FGFBP1: variants seen among roughly 807,000 people sequenced by gnomAD.
FGFBP1 encodes the protein fibroblast growth factor-binding protein 1.
In FGFBP1, 12 loss-of-function variants were observed where a neutral mutation model predicts 14.6. That is an observed-to-expected ratio of 0.82 (90% CI 0.53 to 1.33). The LOEUF (loss-of-function observed/expected upper bound fraction) is 1.33, where lower values mean the gene tolerates loss of function less well. Ranked by LOEUF, FGFBP1 falls within the 40% of genes most tolerant of loss-of-function variation. The pLI, the probability that FGFBP1 is intolerant of heterozygous loss-of-function variation, is 0.00. For synonymous variants in FGFBP1, 117 were observed against 105.0 expected, an observed-to-expected ratio of 1.11 and a Z score of -0.70; for missense variants, 317 against 271.8, an observed-to-expected ratio of 1.17 and a Z score of -1.17.
Position 15,935,849 on chromosome 4 carries a change from G to T in FGFBP1, c.*79C>A. 3 of 807,742 alleles carry T rather than the reference G, an allele frequency of 3.7e-6. No homozygotes were observed. The highest frequency in any genetic ancestry group is 5.7e-6 in the Non-Finnish European group (3 of 522,986). The allele number at this position is 807,742 out of a possible 1,614,324, so 50.0% of individuals were successfully genotyped here. A position where few individuals can be genotyped will look rare whatever the true frequency, so the allele number is the denominator to read the frequency against. ...AGCACAAAAGTTCATATTTTGGGGGGACTGTAGAGAGCTTTAAAGTATACA... is the reference window on the plus strand; with the variant it reads ...AGCACAAAAGTTCATATTTTGGGGGTACTGTAGAGAGCTTTAAAGTATACA... On this transcript the variant is annotated 3_prime_UTR_variant, in exon 3 of 3. Coordinates refer to ENST00000382333, the MANE Select transcript of FGFBP1 (RefSeq NM_005130.5).
Position 15,935,922 on chromosome 4 carries a change from A to G in FGFBP1, c.*6T>C. 6.4e-7 allele frequency: 1 copy of G among 1,566,650 alleles called. No homozygotes were observed. Among genetic ancestry groups the G allele is most frequent in the Non-Finnish European group, 8.7e-7 (1 of 1,152,632 alleles). ...TCTTAAGGGAACCCGTTCTCTTTTG[A>G]CCTCATTAGCATGACGTGTCCTGCA... On this transcript the variant is annotated 3_prime_UTR_variant, in exon 3 of 3. Transcript: ENST00000382333.
chr4:15,935,897 T>G lies in FGFBP1; in HGVS notation c.*31A>C, dbSNP rs1712463027. On this transcript the variant is annotated 3_prime_UTR_variant, in exon 3 of 3. Transcript: ENST00000382333. ...ACAGAGGGACTTACGACATGACATC[T>G]CTTAAGGGAACCCGTTCTCTTTTGA... The G allele has an allele frequency of 2.8e-6, 4 of 1,434,678 alleles. No individual in the cohort carries two copies. The highest frequency in any genetic ancestry group is 9.5e-7 in the Non-Finnish European group (1 of 1,048,108). 88.9% of individuals were successfully genotyped at this position (1,434,678 alleles called of 1,614,324 possible). A position where few individuals can be genotyped will look rare whatever the true frequency, so the allele number is the denominator to read the frequency against.
rs1322865830 is a variant in FGFBP1 at position 15,936,323 on chromosome 4, G to A, written c.310C>T (p.Leu104=). 1 of 1,614,234 alleles carries A rather than the reference G, an allele frequency of 6.2e-7. No homozygotes were observed. Among genetic ancestry groups the A allele is most frequent in the Non-Finnish European group, 8.5e-7 (1 of 1,180,042 alleles). The change falls in exon 3 of 3, where the codon CTA becomes TTA. Residue 104 remains leucine (L), a synonymous_variant. Coordinates refer to ENST00000382333, the MANE Select transcript of FGFBP1 (RefSeq NM_005130.5). The part of the protein sequence containing the change: ...CVFAGNPTSC[L]KLKDERVYWK... The stretch of plus-strand genomic sequence containing the variant: ...TAGACTCTCTCATCCTTGAGCTTTA[G>A]GCATGAGGTTGGATTGCCAGCAAAG...
In FGFBP1 at chr4:15,938,466, A is replaced by C. The variant is rs1365760001; in HGVS notation, c.-236T>G. 6.6e-6 allele frequency: 1 copy of C among 152,354 alleles called. No individual in the cohort carries two copies. The highest frequency in any genetic ancestry group is 1.9e-4 in the East Asian group (1 of 5,192). 9.4% of individuals were successfully genotyped at this position (152,354 alleles called of 1,614,324 possible). Reference sequence around the variant, plus strand: ...TCCGAGGGAGCCGGTTCCTGCAGGGAAAGTGCTGGATGTAATCCAGTGAAA... The same window carrying C: ...TCCGAGGGAGCCGGTTCCTGCAGGGCAAGTGCTGGATGTAATCCAGTGAAA... On this transcript the variant is annotated 5_prime_UTR_variant, in exon 2 of 3. Transcript: ENST00000382333.
intron 2 of FGFBP1, 145 bp downstream of exon 2, chr4:15,938,106 A>G (rs1244473124): frequency 1.3e-5 from 2 of 152,368 alleles, no homozygotes; most frequent in East Asian, 3.9e-4. Flanking sequence ...TGGATATGCC[A>G]GAAAAACACC....
Position 15,936,640 on chromosome 4 carries a change from G to C in FGFBP1, c.-8C>G. 1 of 1,592,782 alleles carries C rather than the reference G, an allele frequency of 6.3e-7. No homozygotes were observed. Among genetic ancestry groups the C allele is most frequent in the Non-Finnish European group, 8.5e-7 (1 of 1,170,836 alleles). Reference sequence around the variant, plus strand: ...GAGGCTACAGATCTTCATGGCTGCAGCTGGGCGTTCACCTGTTTGACAAAA... The same window carrying C: ...GAGGCTACAGATCTTCATGGCTGCACCTGGGCGTTCACCTGTTTGACAAAA... On this transcript the variant is annotated 5_prime_UTR_variant, in exon 3 of 3. Transcript: ENST00000382333.
At position 15,937,866 on chromosome 4, in the gene FGFBP1, A is replaced by G. The variant is rs767570556; in HGVS notation, c.-21+385T>C. Among the ~76,000 whole-genome samples, 64 of 152,342 alleles carry G rather than the reference A, an allele frequency of 4.2e-4. 1 individual carries two copies. Among genetic ancestry groups the G allele is most frequent in the Admixed American group, 3.3e-3 (51 of 15,310 alleles). ...AAAACATTGCCAAAGAATAAGAAAA[A>G]CAACTATGAACAATGACAATTTAGT... On this transcript the variant is annotated intron_variant, in intron 2 of 2. Coordinates refer to ENST00000382333, the MANE Select transcript of FGFBP1 (RefSeq NM_005130.5).
Position 15,936,360 on chromosome 4 carries a change from T to A in FGFBP1, c.273A>T (p.Glu91Asp). 1 of 1,614,126 alleles carries A rather than the reference T, an allele frequency of 6.2e-7. No homozygotes were observed. The highest frequency in any genetic ancestry group is 8.5e-7 in the Non-Finnish European group (1 of 1,180,000). The change falls in exon 3 of 3, where the codon GAA (glutamate) becomes GAT (aspartate). Residue 91 changes from glutamate to aspartate, a missense_variant. Coordinates refer to ENST00000382333, the MANE Select transcript of FGFBP1 (RefSeq NM_005130.5). The part of the protein sequence containing the change: ...LKVECTQLDH[E>D]FSCVFAGNPT... The stretch of plus-strand genomic sequence containing the variant: ...GATTGCCAGCAAAGACACAGGAAAA[T>A]TCATGGTCCAATTGAGTGCACTCAA...
At position 15,936,652 on chromosome 4, in the gene FGFBP1, C is replaced by A. The variant is rs1293535166; in HGVS notation, c.-20G>T. 5 of 1,573,042 alleles carry A rather than the reference C, an allele frequency of 3.2e-6. No individual in the cohort carries two copies. The highest frequency in any genetic ancestry group is 4.3e-6 in the Non-Finnish European group (5 of 1,159,710). ...CTTCATGGCTGCAGCTGGGCGTTCA[C>A]CTGTTTGACAAAAGGCAAGTGAGTC... is the stretch of plus-strand genomic sequence containing the variant. On this transcript the variant is annotated splice_region_variant and 5_prime_UTR_variant, in exon 3 of 3. Transcript: ENST00000382333.
chr4:15,936,245 A>C lies in FGFBP1; in HGVS notation c.388T>G (p.Ser130Ala), dbSNP rs1712478181. The change falls in exon 3 of 3, where the codon TCC becomes GCC. Residue 130 changes from serine (S) to alanine (A), a missense_variant. Coordinates refer to ENST00000382333, the MANE Select transcript of FGFBP1 (RefSeq NM_005130.5). Reference sequence around the variant, plus strand: ...ACTCTGGTTTTCACAGCTGTCTTGGAATATCTACAGATGTCTTTCTGTGAG... The same window carrying C: ...ACTCTGGTTTTCACAGCTGTCTTGGCATATCTACAGATGTCTTTCTGTGAG... The part of the protein sequence containing the change: ...LRSQKDICRY[S>A]KTAVKTRVCR... 1 of 1,614,084 alleles carries C rather than the reference A, an allele frequency of 6.2e-7. No homozygotes were observed. Among genetic ancestry groups the C allele is most frequent in the Admixed American group, 1.7e-5 (1 of 60,000 alleles).
intron 2 of FGFBP1, 150 bp from the exon 3 acceptor site, chr4:15,936,802 C>T: frequency 1.7e-6 from 1 of 573,986 alleles, no homozygotes; most frequent in Non-Finnish European, 3.1e-6. Context: ...AGACAAACAG[C>T]CTGTCTACTC....
rs1038146709 is a variant in FGFBP1 at position 15,935,975 on chromosome 4, A to C, written c.658T>G (p.Ser220Ala). ...ALEFCGETWS[S>A]LCTFFLSIVQ... is the part of the protein sequence containing the mutation. Reference sequence around the variant, plus strand: ...ATGCTGAGGAAGAATGTGCAGAGAGAGCTCCAAGTCTCTCCACAGAACTCC... The same window carrying C: ...ATGCTGAGGAAGAATGTGCAGAGAGCGCTCCAAGTCTCTCCACAGAACTCC... The change falls in exon 3 of 3, where the codon TCT becomes GCT. Residue 220 changes from serine (S) to alanine (A), a missense_variant. Ser to Ala is a moderately conservative substitution (Grantham distance 99, BLOSUM62 1). Transcript: ENST00000382333. 3.1e-6 allele frequency: 5 copies of C among 1,613,504 alleles called. No individual in the cohort carries two copies. The Admixed American group carries it at 8.3e-5, about 27-fold the overall frequency.
In FGFBP1 at chr4:15,936,508, G is replaced by T. The variant is rs1434699384; in HGVS notation, c.125C>A (p.Thr42Asn). The T allele has an allele frequency of 1.2e-6, 2 of 1,614,046 alleles. No individual in the cohort carries two copies. Among genetic ancestry groups the T allele is most frequent in the African/African-American group, 2.7e-5 (2 of 74,918 alleles). The change falls in exon 3 of 3, where the codon ACT becomes AAT. Residue 42 changes from threonine to asparagine, a missense_variant. Transcript: ENST00000382333. ...HSKVVSEQKD[T>N]LGNTQIKQKS... ...CTGCTTAATCTGGGTGTTGCCCAGA[G>T]TGTCCTTTTGTTCTGAGACCACTTT...
rs149245779 is a variant in FGFBP1 at position 15,936,484 on chromosome 4, T to C, written c.149A>G (p.Gln50Arg). 612 of 1,614,240 alleles carry C rather than the reference T, an allele frequency of 3.8e-4. 4 individuals are homozygous for C. In the Middle Eastern group the frequency reaches 0.018, roughly 48 times the overall value. Residue 50 changes from glutamine (Q) to arginine (R), a missense_variant, in exon 3 of 3, where the codon CAG (glutamine) becomes CGG (arginine). Physicochemically the swap from Gln to Arg is conservative, Grantham distance 43. Transcript: ENST00000382333. ...KDTLGNTQIK[Q>R]KSRPGNKGKF... ...GCCTTTGTTCCCGGGCCTGCTTTTC[T>C]GCTTAATCTGGGTGTTGCCCAGAGT...
chr4:15,935,951 T>G lies in FGFBP1; in HGVS notation c.682A>C (p.Ile228Leu). The change falls in exon 3 of 3, where the codon ATA becomes CTA. Residue 228 changes from isoleucine (I) to leucine (L), a missense_variant. Coordinates refer to ENST00000382333, the MANE Select transcript of FGFBP1 (RefSeq NM_005130.5). Reference sequence around the variant, plus strand: ...CATTAGCATGACGTGTCCTGCACTATGCTGAGGAAGAATGTGCAGAGAGAG... The same window carrying G: ...CATTAGCATGACGTGTCCTGCACTAGGCTGAGGAAGAATGTGCAGAGAGAG... ...WSSLCTFFLS[I>L]VQDTSC 6.2e-7 allele frequency: 1 copy of G among 1,611,270 alleles called. No homozygotes were observed. Among genetic ancestry groups the G allele is most frequent in the South Asian group, 1.1e-5 (1 of 90,344 alleles).
At chr4:15,936,703 C>T (rs980707912) in intron 2 of FGFBP1, 51 bp from the exon 3 acceptor site, 2 of 1,135,004 alleles carry the variant, frequency 1.8e-6, no homozygotes, top group Non-Finnish European at 2.5e-6. Context: ...TTCAGCTGTG[C>T]AGGACTACAC....
chr4:15,936,338 T>C lies in FGFBP1; in HGVS notation c.295A>G (p.Asn99Asp). 1 of 1,614,202 alleles carries C rather than the reference T, an allele frequency of 6.2e-7. No individual in the cohort carries two copies. The highest frequency in any genetic ancestry group is 8.5e-7 in the Non-Finnish European group (1 of 1,180,032). The change falls in exon 3 of 3, where the codon AAT (asparagine) becomes GAT (aspartate). Residue 99 changes from asparagine (N) to aspartate (D), a missense_variant. Transcript: ENST00000382333. ...DHEFSCVFAG[N>D]PTSCLKLKDE... ...TTGAGCTTTAGGCATGAGGTTGGAT[T>C]GCCAGCAAAGACACAGGAAAATTCA...
chr4:15,936,284 C>T lies in FGFBP1; in HGVS notation c.349G>A (p.Ala117Thr), dbSNP rs764600991. ...TCTTTCTGTGAGCGCAGATTCCGGG[C>T]AACTTGTTTCCAATAGACTCTCTCA... is the stretch of plus-strand genomic sequence containing the variant. ...KDERVYWKQV[A>T]RNLRSQKDIC... The change falls in exon 3 of 3, where the codon GCC becomes ACC. Residue 117 changes from alanine to threonine, a missense_variant. Coordinates refer to ENST00000382333, the MANE Select transcript of FGFBP1 (RefSeq NM_005130.5). 11 of 1,614,200 alleles carry T rather than the reference C, an allele frequency of 6.8e-6. No homozygotes were observed. Among genetic ancestry groups the T allele is most frequent in the Non-Finnish European group, 9.3e-6 (11 of 1,180,026 alleles).
At chr4:15,937,128 C>T (rs1269384563) in intron 2 of FGFBP1, among the ~76,000 whole-genome samples, 3 of 152,182 alleles carry the variant, frequency 2.0e-5, no homozygotes, top group African/African-American at 4.8e-5. Context: ...CAAGTTACTG[C>T]TCCAAACTTT....
Sources: gnomAD v4.1 joint callset for allele counts (sites outside exome capture counted in the v4.1 genomes callset) on GRCh38, gnomAD v4.1.1 for gene constraint, MANE v1.5 for transcripts, NCBI Gene and HGNC (gene_info 2026-07-23, HGNC 2026-07-21) for gene names.